SPACA7: variants seen among roughly 807,000 people sequenced by gnomAD.
SPACA7 encodes sperm acrosome associated 7.
A neutral mutation model predicts 26.3 loss-of-function variants in SPACA7; 19 were observed. The observed-to-expected ratio is 0.72, with a 90% CI of 0.50 to 1.06. The LOEUF (loss-of-function observed/expected upper bound fraction) is 1.06, where lower values mean the gene tolerates loss of function less well. Among genes scored for constraint, SPACA7 ranks in the 50% least tolerant of loss-of-function variants. The pLI, the probability that SPACA7 is intolerant of heterozygous loss-of-function variation, is 0.00. For synonymous variants in SPACA7, 84 were observed against 84.5 expected (o/e 0.99, Z 0.04); for missense variants, 211 against 229.9 (o/e 0.92, Z 0.53).
chr13:112,428,513 GAA>G (rs1214707188), intron 5 of SPACA7, among the ~76,000 whole-genome samples: 1 of 152,118 alleles, frequency 6.6e-6, no homozygotes, highest in Non-Finnish European at 1.5e-5. Context: ...CCAGGCAGCA[GAA>G]GTCACAGTGA....
chr13:112,430,769 C>T (rs753091008), intron 5 of SPACA7, among the ~76,000 whole-genome samples: 3 of 152,158 alleles, frequency 2.0e-5, no homozygotes, highest in Admixed American at 6.5e-5. Context: ...ACATAGGGAA[C>T]GGGGAAATGT....
At chr13:112,420,073 A>G (rs1304750192) in intron 5 of SPACA7, among the ~76,000 whole-genome samples, 1 of 152,214 alleles carries the variant, frequency 6.6e-6, no homozygotes. Flanking sequence ...CTCTGACAAA[A>G]CTGGCTCAAC....
At chr13:112,386,614 A>C (rs1348026751) in intron 1 of SPACA7, among the ~76,000 whole-genome samples, 2 of 148,784 alleles carry the variant, frequency 1.3e-5, no homozygotes, top group South Asian at 2.1e-4. Context: ...GTGACGAGAC[A>C]AAAAAAAATG....
chr13:112,392,725 G>A (rs9577735), intron 1 of SPACA7, among the ~76,000 whole-genome samples: 19,786 of 152,080 alleles, frequency 0.13, 3,196 homozygotes, highest in African/African-American at 0.37. Flanking sequence ...CCTCTCAAGG[G>A]GTGATTCTAG....
intron 5 of SPACA7, among the ~76,000 whole-genome samples, 192 bp from the exon 6 acceptor site, chr13:112,432,252 T>C (rs1877222984): frequency 6.6e-6 from 1 of 152,224 alleles, no homozygotes; most frequent in African/African-American, 2.4e-5. Context: ...TTCTGGGGCT[T>C]GCTGGAGGAA....
At chr13:112,431,955 G>A (rs953337075) in intron 5 of SPACA7, among the ~76,000 whole-genome samples, 2 of 152,162 alleles carry the variant, frequency 1.3e-5, no homozygotes, top group South Asian at 2.1e-4. Flanking sequence ...CTGAGCAGCG[G>A]GGACCACACA....
chr13:112,380,003 C>T (rs956348930), intron 1 of SPACA7, among the ~76,000 whole-genome samples: 2 of 152,038 alleles, frequency 1.3e-5, no homozygotes, highest in Non-Finnish European at 2.9e-5. Context: ...CTTAAGTAAT[C>T]AAAAACATGA....
intron 5 of SPACA7, among the ~76,000 whole-genome samples, chr13:112,428,846 T>C (rs1876794719): frequency 6.6e-6 from 1 of 152,228 alleles, no homozygotes; most frequent in East Asian, 1.9e-4. Context: ...GTTCTATAAA[T>C]GTCAATTAGA....
At chr13:112,389,953 G>T (rs1884769404) in intron 1 of SPACA7, among the ~76,000 whole-genome samples, 1 of 152,218 alleles carries the variant, frequency 6.6e-6, no homozygotes, top group African/African-American at 2.4e-5. Context: ...GGCTGTGATT[G>T]AAGCAGCCAT....
At chr13:112,431,901 C>A (rs1877179121) in intron 5 of SPACA7, among the ~76,000 whole-genome samples, 1 of 152,186 alleles carries the variant, frequency 6.6e-6, no homozygotes, top group South Asian at 2.1e-4. Context: ...GGACTTGGAG[C>A]CACTCCTGAA....
intron 1 of SPACA7, among the ~76,000 whole-genome samples, chr13:112,383,026 A>AAGAGAAAGAGAG (rs1884188392): frequency 2.1e-5 from 2 of 95,220 alleles, no homozygotes; most frequent in Non-Finnish European, 4.9e-5. Context: ...GAAAGAAAGA[A>AAGAGAAAGAGAG]AGAGAGAGAG....
chr13:112,420,965 C>T (rs1875904002), intron 5 of SPACA7, among the ~76,000 whole-genome samples: 1 of 152,008 alleles, frequency 6.6e-6, no homozygotes, highest in Non-Finnish European at 1.5e-5. Context: ...TCCCAGAATT[C>T]TATTCTCAGA....
chr13:112,383,056 GAA>G (rs1884201785), intron 1 of SPACA7, among the ~76,000 whole-genome samples: 1 of 147,226 alleles, frequency 6.8e-6, no homozygotes, highest in African/African-American at 2.5e-5. Context: ...CAGAAGGAAA[GAA>G]AGAGACAGAA....
intron 5 of SPACA7, among the ~76,000 whole-genome samples, chr13:112,402,665 C>T (rs984738546): frequency 6.6e-6 from 1 of 152,158 alleles, no homozygotes; most frequent in Admixed American, 6.5e-5. Context: ...GGCTTTGGAA[C>T]AGAGGCACAC....
chr13:112,404,451 G>T (rs1317560505), intron 5 of SPACA7, among the ~76,000 whole-genome samples: 1 of 152,086 alleles, frequency 6.6e-6, no homozygotes, highest in Non-Finnish European at 1.5e-5. Context: ...TGTTTTTGTT[G>T]TATTTGCATT....
intron 5 of SPACA7, among the ~76,000 whole-genome samples, chr13:112,409,912 C>T (rs1477084601): frequency 2.0e-5 from 3 of 152,170 alleles, no homozygotes; most frequent in Non-Finnish European, 2.9e-5. Context: ...AAGATGCATG[C>T]ACACGTATGT....
In SPACA7 at chr13:112,393,090, C is replaced by T. The variant is rs1737960999; in HGVS notation, c.151+13C>T. The T allele has an allele frequency of 1.9e-6, 3 of 1,610,758 alleles. No homozygotes were observed. The highest frequency in any genetic ancestry group is 1.3e-5 in the African/African-American group (1 of 74,892). On this transcript the variant is annotated intron_variant, in intron 2 of 6. Transcript: ENST00000283550. ...TCTGAATTATTAGGTAAGGAAGCCC[C>T]TCCTATCAACCTCTGGCCTGTACGT...
At position 112,401,079 on chromosome 13, in the gene SPACA7, T is replaced by C; in HGVS notation, c.360T>C (p.Ala120=). 1 of 1,614,012 alleles carries C rather than the reference T, an allele frequency of 6.2e-7. No individual in the cohort carries two copies. The highest frequency in any genetic ancestry group is 8.5e-7 in the Non-Finnish European group (1 of 1,179,840). Residue 120 remains alanine (A), a synonymous_variant, in exon 5 of 7, where the codon GCT becomes GCC. Transcript: ENST00000283550. Reference sequence around the variant, plus strand: ...TATTTGTCATTAAAGAAGCCAATGCTAATGCAAATCTCCATGGCGATCCTT... The same window carrying C: ...TATTTGTCATTAAAGAAGCCAATGCCAATGCAAATCTCCATGGCGATCCTT... The part of the protein sequence containing the change: ...EVKISNDEAN[A]NANLHGDPSE...
intron 1 of SPACA7, among the ~76,000 whole-genome samples, chr13:112,380,582 TTCTC>T (rs1258547716): frequency 1.3e-5 from 2 of 151,854 alleles, no homozygotes; most frequent in African/African-American, 2.4e-5. Flanking sequence ...CATAAGATTT[TTCTC>T]TCTCTTTTTT....
Sources: allele counts gnomAD v4.1 joint callset (sites outside exome capture counted in the v4.1 genomes callset), GRCh38; gene constraint gnomAD v4.1.1; transcripts MANE v1.5; gene names NCBI Gene and HGNC (gene_info 2026-07-23, HGNC 2026-07-21).